The following PDE4D variants were observed in gnomAD, a reference collection of about 807,000 sequenced individuals.
PDE4D encodes the protein phosphodiesterase 4D.
PDE4D carries 24 observed loss-of-function variants against 87.4 expected under a neutral mutation model. The observed-to-expected ratio is 0.27, with a 90% CI of 0.20 to 0.39. The LOEUF (loss-of-function observed/expected upper bound fraction) is 0.39, where lower values mean the gene tolerates loss of function less well. Among genes scored for constraint, PDE4D ranks in the 10% least tolerant of loss-of-function variants. PDE4D has a pLI of 1.00. For synonymous variants in PDE4D, 384 were observed against 383.2 expected, an observed-to-expected ratio of 1.00 and a Z score of -0.02; for missense variants, 714 against 1,041.0, an observed-to-expected ratio of 0.69 and a Z score of 4.32.
chr5:59,946,501 G>T (rs559336076), intron 3 of PDE4D, among the ~76,000 whole-genome samples: 3 of 152,118 alleles, frequency 2.0e-5, no homozygotes, highest in Non-Finnish European at 4.4e-5. Flanking sequence ...TTCACAAGTC[G>T]GAGTGCTGGA....
intron 1 of PDE4D, among the ~76,000 whole-genome samples, chr5:60,277,857 G>A (rs945774634): frequency 1.3e-5 from 2 of 152,066 alleles, no homozygotes; most frequent in East Asian, 1.9e-4. Context: ...CTCTTTGAAC[G>A]TCCCTTTAAC....
intron 1 of PDE4D, among the ~76,000 whole-genome samples, chr5:59,474,899 T>G (rs1803051690): frequency 6.6e-6 from 1 of 152,104 alleles, no homozygotes. Context: ...TATCTACAAC[T>G]GTAGGAACAG....
chr5:59,548,298 T>A (rs1817599743), intron 1 of PDE4D, among the ~76,000 whole-genome samples: 1 of 152,202 alleles, frequency 6.6e-6, no homozygotes, highest in African/African-American at 2.4e-5. Context: ...TGATGCAAGT[T>A]CACTCTTGCT....
intron 1 of PDE4D, among the ~76,000 whole-genome samples, chr5:60,268,616 TC>T (rs1417773157): frequency 6.6e-6 from 1 of 152,224 alleles, no homozygotes; most frequent in African/African-American, 2.4e-5. Context: ...GCTCCCAGCC[TC>T]CTGTGGGAGA....
At chr5:59,982,195 A>C (rs1761996029) in intron 3 of PDE4D, among the ~76,000 whole-genome samples, 2 of 152,186 alleles carry the variant, frequency 1.3e-5, no homozygotes, top group Non-Finnish European at 2.9e-5. Flanking sequence ...GAAGGTACAC[A>C]GTGTACTTCT....
chr5:59,385,845 C>T (rs1786866563), intron 1 of PDE4D, among the ~76,000 whole-genome samples: 1 of 152,124 alleles, frequency 6.6e-6, no homozygotes, highest in African/African-American at 2.4e-5. Flanking sequence ...ACCCTGCATC[C>T]CAATCTCTAT....
Position 59,175,781 on chromosome 5 carries a change from A to T in PDE4D, c.808+4814T>A, listed in dbSNP as rs796739453. Among the ~76,000 whole-genome samples the T allele has an allele frequency of 1.6e-3, 153 of 94,582 alleles. 2 individuals carry two copies. The highest frequency in any genetic ancestry group is 5.6e-3 in the African/African-American group (140 of 24,940). 62.0% of individuals were successfully genotyped at this position (94,582 alleles called of 152,430 possible). ...GCATGAGCCACCATGCCCGGCCTCC[A>T]TTTTTTTTTTTTTTTTTTTTTTTTT... On this transcript the variant is annotated intron_variant, in intron 5 of 14. Transcript: ENST00000340635.
intron 1 of PDE4D, among the ~76,000 whole-genome samples, chr5:59,590,917 G>A (rs1429492550): frequency 6.6e-6 from 1 of 152,096 alleles, no homozygotes; most frequent in Non-Finnish European, 1.5e-5. Flanking sequence ...GGTGTCCCAC[G>A]TCCTTTTCCA....
chr5:60,464,941 AC>A (rs1006968905), intron 1 of PDE4D, among the ~76,000 whole-genome samples: 12 of 152,092 alleles, frequency 7.9e-5, no homozygotes, highest in Non-Finnish European at 1.5e-4. Context: ...ATCTCTATAA[AC>A]TTTTTTTTGT....
intron 3 of PDE4D, among the ~76,000 whole-genome samples, chr5:59,901,772 C>T (rs1752287083): frequency 6.6e-6 from 1 of 151,988 alleles, no homozygotes; most frequent in South Asian, 2.1e-4. Flanking sequence ...CCTGATGACA[C>T]CATGTATTTG....
intron 1 of PDE4D, among the ~76,000 whole-genome samples, chr5:60,426,009 G>T (rs540709073): frequency 6.6e-6 from 1 of 152,300 alleles, no homozygotes; most frequent in African/African-American, 2.4e-5. Context: ...AGTTAGAATG[G>T]CAATTATTAA....
At chr5:59,561,351 A>T (rs1455753746) in intron 1 of PDE4D, among the ~76,000 whole-genome samples, 1 of 152,206 alleles carries the variant, frequency 6.6e-6, no homozygotes, top group African/African-American at 2.4e-5. Flanking sequence ...TCTTATAATT[A>T]ACAAGCTACT....
upstream of PDE4D, among the ~76,000 whole-genome samples, chr5:59,897,403 A>G (rs965967519): frequency 1.3e-5 from 2 of 152,188 alleles, no homozygotes; most frequent in African/African-American, 4.8e-5. Context: ...GGCAAGTGGC[A>G]GTAACTAAGG....
In PDE4D at chr5:60,286,006, G is replaced by C. The variant is rs1752384279; in HGVS notation, c.-89-100319C>G. On this transcript the variant is annotated intron_variant, in intron 1 of 16. Transcript: ENST00000502484. ...TTCAGTGCCTCTGAGCAAATACAGA[G>C]CTTTAAGAAAATAGCTGGTATCAAT... Among the ~76,000 whole-genome samples, 2 of 152,178 alleles carry C rather than the reference G, an allele frequency of 1.3e-5. 1 individual carries two copies. The highest frequency in any genetic ancestry group is 4.1e-4 in the South Asian group (2 of 4,834).
chr5:59,618,655 A>G (rs1331059893), intron 1 of PDE4D, among the ~76,000 whole-genome samples: 3 of 152,210 alleles, frequency 2.0e-5, no homozygotes, highest in African/African-American at 7.2e-5. Context: ...CAGAGGATAC[A>G]GTCAGGAGGT....
At chr5:60,473,874 C>A (rs984128504) in intron 1 of PDE4D, among the ~76,000 whole-genome samples, 2 of 151,308 alleles carry the variant, frequency 1.3e-5, no homozygotes, top group Non-Finnish European at 2.9e-5. Context: ...AGCCCCCGCC[C>A]GCCGCATTAT....
chr5:59,500,893 C>G (rs1808183510), intron 1 of PDE4D, among the ~76,000 whole-genome samples: 1 of 152,124 alleles, frequency 6.6e-6, no homozygotes, highest in Non-Finnish European at 1.5e-5. Flanking sequence ...CTGATCTTCT[C>G]TCTTTCCACA....
intron 1 of PDE4D, among the ~76,000 whole-genome samples, chr5:59,610,353 C>T (rs1436327936): frequency 3.9e-5 from 6 of 152,172 alleles, no homozygotes; most frequent in African/African-American, 9.7e-5. Flanking sequence ...GATTAAACAT[C>T]TAAAACCCTA....
At chr5:60,055,506 G>T (rs1474327423) in intron 2 of PDE4D, among the ~76,000 whole-genome samples, 2 of 152,018 alleles carry the variant, frequency 1.3e-5, no homozygotes, top group Non-Finnish European at 2.9e-5. Flanking sequence ...ATAGCTTATT[G>T]TAATTGAAAG....
Sources: gnomAD v4.1 joint callset for allele counts (sites outside exome capture counted in the v4.1 genomes callset) on GRCh38, gnomAD v4.1.1 for gene constraint, MANE v1.5 for transcripts, NCBI Gene and HGNC (gene_info 2026-07-23, HGNC 2026-07-21) for gene names.